NTNG1: variants seen among roughly 807,000 people sequenced by gnomAD.
The protein encoded by NTNG1 is netrin G1, also known as netrin-G1.
NTNG1 carries 16 observed loss-of-function variants against 54.0 expected under a neutral mutation model. That is an observed-to-expected ratio of 0.30 (90% CI 0.20 to 0.45). The LOEUF (loss-of-function observed/expected upper bound fraction) is 0.45, where lower values mean the gene tolerates loss of function less well. Among genes scored for constraint, NTNG1 ranks in the 20% least tolerant of loss-of-function variants. The pLI is 1.00. For synonymous variants in NTNG1, 255 were observed against 263.1 expected (o/e 0.97, Z 0.30); for missense variants, 530 against 678.7 (o/e 0.78, Z 2.43).
intron 2 of NTNG1, among the ~76,000 whole-genome samples, chr1:107,271,262 A>G (rs1026217214): frequency 6.6e-6 from 1 of 152,148 alleles, no homozygotes; most frequent in African/African-American, 2.4e-5. Flanking sequence ...GGTTAGTTAC[A>G]TACGTATACA....
At chr1:107,286,714 G>A (rs940056966) in intron 2 of NTNG1, among the ~76,000 whole-genome samples, 1 of 152,120 alleles carries the variant, frequency 6.6e-6, no homozygotes, top group Non-Finnish European at 1.5e-5. Context: ...ACAAAGTTAA[G>A]TGCCTTTTAT....
chr1:107,199,855 A>G (rs977090150), intron 2 of NTNG1, among the ~76,000 whole-genome samples: 4 of 147,664 alleles, frequency 2.7e-5, no homozygotes, highest in Non-Finnish European at 1.5e-5. Context: ...CTTAAAAAAT[A>G]CAAATCCTCT....
intron 6 of NTNG1, among the ~76,000 whole-genome samples, chr1:107,435,800 C>T (rs1162654290): frequency 1.3e-5 from 2 of 152,114 alleles, no homozygotes; most frequent in Non-Finnish European, 2.9e-5. Flanking sequence ...AACTTTAGCT[C>T]ACAGTACCCA....
chr1:107,278,952 A>G (rs528791600), intron 2 of NTNG1, among the ~76,000 whole-genome samples: 19 of 152,184 alleles, frequency 1.2e-4, no homozygotes, highest in South Asian at 1.2e-3. Flanking sequence ...AGGATTCTTA[A>G]TAGTTACATT....
chr1:107,401,577 A>C (rs1157447027), intron 4 of NTNG1, among the ~76,000 whole-genome samples: 1 of 152,180 alleles, frequency 6.6e-6, no homozygotes, highest in African/African-American at 2.4e-5. Flanking sequence ...ATGAAGTAAG[A>C]CTATAAATAA....
chr1:107,426,575 G>A (rs1333927213), intron 5 of NTNG1, among the ~76,000 whole-genome samples: 1 of 152,020 alleles, frequency 6.6e-6, no homozygotes, highest in South Asian at 2.1e-4. Flanking sequence ...CTATAGCCTT[G>A]TAGTATAATT....
At chr1:107,329,250 GCCTAATCCCAGGA>G (rs1320699183) in intron 3 of NTNG1, among the ~76,000 whole-genome samples, 1 of 152,112 alleles carries the variant, frequency 6.6e-6, no homozygotes, top group East Asian at 1.9e-4. Flanking sequence ...CACTCTCCCT[GCCTAATCCCAGGA>G]CCTGCAAAGG....
At chr1:107,177,707 A>G (rs1394595230) in intron 2 of NTNG1, among the ~76,000 whole-genome samples, 1 of 152,122 alleles carries the variant, frequency 6.6e-6, no homozygotes, top group East Asian at 1.9e-4. Context: ...ATATGTCTAT[A>G]CTTTTGTTTG....
chr1:107,445,506 A>G (rs771690792), intron 7 of NTNG1, among the ~76,000 whole-genome samples: 1 of 152,156 alleles, frequency 6.6e-6, no homozygotes, highest in Admixed American at 6.6e-5. Flanking sequence ...ACAGGAGAAG[A>G]TTATTTTCCT....
chr1:107,233,612 C>A (rs1489619533), intron 2 of NTNG1, among the ~76,000 whole-genome samples: 1 of 152,118 alleles, frequency 6.6e-6, no homozygotes, highest in Non-Finnish European at 1.5e-5. Flanking sequence ...AGTGAGTTCC[C>A]CGCCGATCAT....
intron 7 of NTNG1, among the ~76,000 whole-genome samples, chr1:107,475,535 T>C (rs1678260529): frequency 1.3e-5 from 2 of 152,164 alleles, no homozygotes; most frequent in South Asian, 4.1e-4. Flanking sequence ...CTATATTTAC[T>C]CCCTGAAGAA....
chr1:107,324,617 G>A lies in NTNG1; in HGVS notation c.582G>A (p.Lys194=). ...DAFHMDPKSV[K]DLSQHTVLEI... ...TTCACATGGATCCTAAATCCGTGAA[G>A]GATTTATCACAGCATACGGTCTTAG... Residue 194 remains lysine (K), a synonymous_variant, in exon 3 of 8, where the codon AAG becomes AAA. Transcript: ENST00000370068. 4.3e-6 allele frequency: 7 copies of A among 1,613,650 alleles called. No individual in the cohort carries two copies. Among genetic ancestry groups the A allele is most frequent in the Non-Finnish European group, 5.9e-6 (7 of 1,179,836 alleles).
chr1:107,190,289 TG>T (rs1482788356), intron 2 of NTNG1, among the ~76,000 whole-genome samples: 1 of 152,112 alleles, frequency 6.6e-6, no homozygotes, highest in Admixed American at 6.6e-5. Flanking sequence ...ATTGCACACT[TG>T]AAAGTGGTTA....
At chr1:107,166,419 C>T (rs541491488) in intron 2 of NTNG1, among the ~76,000 whole-genome samples, 17 of 152,080 alleles carry the variant, frequency 1.1e-4, no homozygotes, top group South Asian at 4.1e-4. Flanking sequence ...TCTTATACTT[C>T]GCTTCATCTC....
chr1:107,428,293 C>G (rs758192906), intron 5 of NTNG1, among the ~76,000 whole-genome samples: 6 of 152,072 alleles, frequency 3.9e-5, no homozygotes, highest in Non-Finnish European at 8.8e-5. Context: ...TTTTCTAATT[C>G]TCCTCCTGTT....
At chr1:107,254,694 A>G (rs1011854602) in intron 2 of NTNG1, among the ~76,000 whole-genome samples, 1 of 152,262 alleles carries the variant, frequency 6.6e-6, no homozygotes, top group Non-Finnish European at 1.5e-5. Context: ...TAAATAGAAG[A>G]GTACTTTTGA....
chr1:107,407,394 A>T (rs949984115), intron 4 of NTNG1, among the ~76,000 whole-genome samples: 2 of 152,118 alleles, frequency 1.3e-5, no homozygotes, highest in African/African-American at 4.8e-5. Flanking sequence ...GGATGTCAAA[A>T]GCTTACTTGG....
At chr1:107,419,442 G>A (rs1674439286) in intron 5 of NTNG1, among the ~76,000 whole-genome samples, 1 of 132,408 alleles carries the variant, frequency 7.6e-6, no homozygotes, top group African/African-American at 2.7e-5. Context: ...AAACAACACT[G>A]ATAGACAGAA....
intron 7 of NTNG1, chr1:107,460,504 C>T (rs1677218432): frequency 4.1e-6 from 2 of 482,786 alleles, no homozygotes; most frequent in Middle Eastern, 3.2e-4. Flanking sequence ...CCTCTATGGC[C>T]CATGGTTTAA....
Sources: allele counts gnomAD v4.1 joint callset (sites outside exome capture counted in the v4.1 genomes callset), GRCh38; gene constraint gnomAD v4.1.1; transcripts MANE v1.5; gene names NCBI Gene and HGNC (gene_info 2026-07-23, HGNC 2026-07-21).